The following CDK14 variants were observed in gnomAD, a reference collection of about 807,000 sequenced individuals.
CDK14 encodes the protein cyclin-dependent kinase 14.
Under a neutral mutation model 60.7 loss-of-function variants are expected in CDK14, and 34 were observed. That is an observed-to-expected ratio of 0.56 (90% confidence interval 0.43 to 0.75). The LOEUF (loss-of-function observed/expected upper bound fraction) is 0.75, where lower values mean the gene tolerates loss of function less well. CDK14 is among the 30% of genes least tolerant of loss of function. CDK14 has a pLI of 0.00. For missense variants in CDK14, 482 were observed against 564.1 expected (o/e 0.85, Z 1.47); for synonymous variants, 197 against 203.7 (o/e 0.97, Z 0.28).
intron 10 of CDK14, among the ~76,000 whole-genome samples, chr7:91,039,517 T>C (rs1797029733): frequency 1.3e-5 from 2 of 152,310 alleles, no homozygotes; most frequent in African/African-American, 2.4e-5. Context: ...CATTCCCCTT[T>C]CCAGAGACCA....
At chr7:90,911,998 A>G (rs1792917938) in intron 7 of CDK14, among the ~76,000 whole-genome samples, 1 of 152,168 alleles carries the variant, frequency 6.6e-6, no homozygotes, top group Non-Finnish European at 1.5e-5. Flanking sequence ...GCTGGCAAAA[A>G]TGTCCCTGTT....
intron 6 of CDK14, among the ~76,000 whole-genome samples, chr7:90,873,680 C>T (rs1791453188): frequency 6.6e-6 from 1 of 152,154 alleles, no homozygotes; most frequent in Non-Finnish European, 1.5e-5. Context: ...GAAAAAACAG[C>T]AGTTTTTACC....
rs770226376 is a variant in CDK14 at position 90,968,669 on chromosome 7, A to G, written c.947+12852A>G. Among the ~76,000 whole-genome samples the G allele has an allele frequency of 9.9e-5, 15 of 152,278 alleles. No homozygotes were observed. In the South Asian group the frequency reaches 1.2e-3, roughly 13 times the overall value. ...TTGTTTTTGAATACTTAATATATTC[A>G]TAGCCTAATGGAAACCCCAACAGAT... On this transcript the variant is annotated intron_variant, in intron 9 of 14. Coordinates refer to ENST00000380050, the MANE Select transcript of CDK14 (RefSeq NM_001287135.2).
chr7:91,194,966 G>A (rs544041093), intron 14 of CDK14, among the ~76,000 whole-genome samples: 1 of 152,270 alleles, frequency 6.6e-6, no homozygotes, highest in African/African-American at 2.4e-5. Context: ...GGGTGTGCTG[G>A]CTCCTCTCAC....
chr7:90,957,687 T>C (rs898928045), intron 9 of CDK14, among the ~76,000 whole-genome samples: 2 of 152,122 alleles, frequency 1.3e-5, no homozygotes, highest in Non-Finnish European at 2.9e-5. Context: ...AAACCACTGC[T>C]TGAGGAAATA....
intron 6 of CDK14, among the ~76,000 whole-genome samples, chr7:90,878,112 C>T (rs1323677016): frequency 6.9e-6 from 1 of 145,598 alleles, no homozygotes; most frequent in East Asian, 2.0e-4. Context: ...GAGAGAGAGA[C>T]AGAGAGAGAG....
intron 2 of CDK14, among the ~76,000 whole-genome samples, chr7:90,635,753 T>TTCCTA (rs1481393629): frequency 6.6e-6 from 1 of 152,190 alleles, no homozygotes; most frequent in East Asian, 1.9e-4. Flanking sequence ...ATATTGATTC[T>TTCCTA]TCCTATCCAT....
chr7:91,191,163 G>A (rs1802349851), intron 14 of CDK14, among the ~76,000 whole-genome samples: 1 of 152,090 alleles, frequency 6.6e-6, no homozygotes, highest in Non-Finnish European at 1.5e-5. Flanking sequence ...TGGTCTCACT[G>A]TAGCATTGTG....
intron 3 of CDK14, among the ~76,000 whole-genome samples, chr7:90,736,345 TTTTTG>T (rs1233951747): frequency 0.064 from 4,700 of 73,084 alleles, 71 homozygotes; most frequent in African/African-American, 0.078. Flanking sequence ...CTTTATTATG[TTTTTG>T]TTTTTTTTTT....
At position 90,920,748 on chromosome 7, in the gene CDK14, G is replaced by A. The variant is rs114460302; in HGVS notation, c.826+3024G>A. ...CCATGCTTTATAAATAGATTACACT[G>A]GTACAAAAATATGCATCACATAATT... On this transcript the variant is annotated intron_variant, in intron 8 of 14. Coordinates refer to ENST00000380050, the MANE Select transcript of CDK14 (RefSeq NM_001287135.2). Among the ~76,000 whole-genome samples, 807 of 152,200 alleles carry A rather than the reference G, an allele frequency of 5.3e-3. 8 individuals carry two copies. Among genetic ancestry groups the A allele is most frequent in the African/African-American group, 0.018 (760 of 41,536 alleles).
At chr7:90,709,983 C>A in intron 2 of CDK14, 1 of 1,015,144 alleles carries the variant, frequency 9.9e-7, no homozygotes, top group Non-Finnish European at 1.2e-6. Flanking sequence ...CTTAAAATTA[C>A]AGGAGGGGTT....
intron 1 of CDK14, among the ~76,000 whole-genome samples, chr7:90,598,461 A>G (rs1020407215): frequency 2.0e-5 from 3 of 152,192 alleles, no homozygotes; most frequent in African/African-American, 7.2e-5. Flanking sequence ...CCTTTAGGAC[A>G]CAGAATGCAG....
rs1342033195 is a variant in CDK14, at chr7:90,701,238, T to A, written c.124-25329T>A. On this transcript the variant is annotated intron_variant, in intron 2 of 14. Transcript: ENST00000380050. ...ATTTACCAACAATTTGTAGGTGGTA[T>A]CTATAAGGATAGTCAGTTTATTTCC... 2.6e-5 allele frequency among the ~76,000 whole-genome samples: 4 copies of A among 152,290 alleles called. No individual in the cohort carries two copies. The East Asian group carries it at 7.7e-4, about 29-fold the overall frequency.
intron 9 of CDK14, among the ~76,000 whole-genome samples, chr7:90,982,805 G>C (rs1275613472): frequency 2.0e-5 from 3 of 151,938 alleles, no homozygotes; most frequent in Non-Finnish European, 4.4e-5. Context: ...TAGGTTATGG[G>C]ATCTAGGTGT....
At position 91,096,096 on chromosome 7, in the gene CDK14, C is replaced by T. The variant is rs933171406; in HGVS notation, c.1155-16446C>T. Among the ~76,000 whole-genome samples the T allele has an allele frequency of 9.6e-5, 12 of 125,398 alleles. No homozygotes were observed. In the East Asian group the frequency reaches 3.0e-3, roughly 31 times the overall value. 82.3% of individuals were successfully genotyped at this position (125,398 alleles called of 152,430 possible). On this transcript the variant is annotated intron_variant, in intron 12 of 14. Transcript: ENST00000380050. The stretch of plus-strand genomic sequence containing the variant: ...AAAAAAAAAAAAAAAAAACAGTTAT[C>T]TTCTATAATCATCAGTGTGGCCAGC...
chr7:90,867,682 G>A (rs1290681909), intron 6 of CDK14, among the ~76,000 whole-genome samples: 1 of 152,058 alleles, frequency 6.6e-6, no homozygotes, highest in Non-Finnish European at 1.5e-5. Context: ...TTGGAGGGGG[G>A]TGGATACAAG....
chr7:91,036,333 G>A (rs1323327250), intron 10 of CDK14, among the ~76,000 whole-genome samples: 1 of 152,158 alleles, frequency 6.6e-6, no homozygotes, highest in Non-Finnish European at 1.5e-5. Context: ...TTCCCAACGT[G>A]GCTGCTTGCT....
chr7:90,835,351 C>T (rs1284959041), intron 5 of CDK14, among the ~76,000 whole-genome samples: 1 of 151,818 alleles, frequency 6.6e-6, no homozygotes, highest in East Asian at 1.9e-4. Flanking sequence ...TAAGATGGTG[C>T]TCTAGGGTAT....
intron 3 of CDK14, among the ~76,000 whole-genome samples, chr7:90,747,332 TA>T (rs1024737956): frequency 1.3e-5 from 2 of 151,886 alleles, no homozygotes; most frequent in African/African-American, 2.4e-5. Flanking sequence ...ATTGATTGAA[TA>T]AAAAAAGGGA....
Sources: gnomAD v4.1 joint callset for allele counts (sites outside exome capture counted in the v4.1 genomes callset) on GRCh38, gnomAD v4.1.1 for gene constraint, MANE v1.5 for transcripts, NCBI Gene and HGNC (gene_info 2026-07-23, HGNC 2026-07-21) for gene names.